CD9: variants seen among roughly 807,000 people sequenced by gnomAD.
CD9 encodes CD9 molecule, also known as CD9 antigen.
Under a neutral mutation model 31.4 loss-of-function variants are expected in CD9, and 10 were observed. The ratio of observed to expected loss-of-function variants is 0.32; its 90% CI spans 0.20 to 0.54. The LOEUF (loss-of-function observed/expected upper bound fraction) is 0.54. Ranked by LOEUF, CD9 falls within the 20% of genes least tolerant of loss-of-function variation. CD9 has a pLI of 0.94. For synonymous variants in CD9, 113 were observed against 114.1 expected (o/e 0.99, Z 0.06); for missense variants, 259 against 300.1 (o/e 0.86, Z 1.01).
chr12:6,208,070 C>G (rs1301158210), intron 1 of CD9, among the ~76,000 whole-genome samples: 2 of 151,960 alleles, frequency 1.3e-5, no homozygotes, highest in African/African-American at 4.8e-5. Context: ...ACTAAAAATG[C>G]AAAATTAGCC....
At position 6,232,435 on chromosome 12, in the gene CD9, G is replaced by T; in HGVS notation, c.176-197G>T. 1 of 625,048 alleles carries T rather than the reference G, an allele frequency of 1.6e-6. No homozygotes were observed. The highest frequency in any genetic ancestry group is 2.9e-6 in the Non-Finnish European group (1 of 349,488). 38.7% of individuals were successfully genotyped at this position (625,048 alleles called of 1,614,324 possible). A position where few individuals can be genotyped will look rare whatever the true frequency, so the allele number is the denominator to read the frequency against. On this transcript the variant is annotated intron_variant, in intron 2 of 7. Coordinates refer to ENST00000009180, the MANE Select transcript of CD9 (RefSeq NM_001769.4). This position sits in a 1 kb window ranked among gnomAD's most constrained non-coding sequence, Gnocchi z 4.8. ...TGATGAAGCAGAGTCATGCAAGAGAGGCTGGTGGGAAGGAGACCTGGGGCA... is the reference window on the plus strand; with the variant it reads ...TGATGAAGCAGAGTCATGCAAGAGATGCTGGTGGGAAGGAGACCTGGGGCA...
chr12:6,232,470 G>C lies in CD9; in HGVS notation c.176-162G>C. ...AAGGAGACCTGGGGCAGAGGTGGAA[G>C]AGGAGGCTGTATTTTAAGGAAAGGG... is the stretch of plus-strand genomic sequence containing the variant. On this transcript the variant is annotated intron_variant, in intron 2 of 7. Coordinates refer to ENST00000009180, the MANE Select transcript of CD9 (RefSeq NM_001769.4). This position sits in a 1 kb window ranked among gnomAD's most constrained non-coding sequence, Gnocchi z 4.8. 1.5e-6 allele frequency: 1 copy of C among 652,618 alleles called. No homozygotes were observed. Among genetic ancestry groups the C allele is most frequent in the South Asian group, 1.7e-5 (1 of 57,750 alleles). 40.4% of individuals were successfully genotyped at this position (652,618 alleles called of 1,614,324 possible).
chr12:6,228,685 G>A (rs1242688178), intron 2 of CD9, among the ~76,000 whole-genome samples: 2 of 152,190 alleles, frequency 1.3e-5, no homozygotes, highest in Non-Finnish European at 2.9e-5. Context: ...AAGGGCCAAG[G>A]AGGCGTCGCT....
intron 1 of CD9, among the ~76,000 whole-genome samples, chr12:6,220,561 AT>A (rs1432938907): frequency 6.6e-6 from 1 of 152,164 alleles, no homozygotes. Context: ...TTCTGTTTGG[AT>A]TTTTAGGTTA....
intron 1 of CD9, among the ~76,000 whole-genome samples, chr12:6,208,158 C>T (rs1565418996): frequency 6.7e-6 from 1 of 149,172 alleles, no homozygotes; most frequent in Admixed American, 6.8e-5. Flanking sequence ...TGGGAGGCGG[C>T]GGTTGCAGTG....
intron 1 of CD9, among the ~76,000 whole-genome samples, chr12:6,212,185 G>A (rs370520184): frequency 6.6e-6 from 1 of 152,162 alleles, no homozygotes; most frequent in Non-Finnish European, 1.5e-5. Flanking sequence ...GCTGTGCACC[G>A]TCAGAGGAAG....
rs539111776 is a variant in CD9, at chr12:6,209,904, C to T, written c.66+9339C>T. Among the ~76,000 whole-genome samples the T allele has an allele frequency of 5.3e-5, 8 of 152,186 alleles. No homozygotes were observed. In the East Asian group the frequency reaches 9.7e-4, roughly 18 times the overall value. On this transcript the variant is annotated intron_variant, in intron 1 of 7. Transcript: ENST00000009180. ...TTTGCCACGTTGACCAGGCTGGTCTCGAACTGCTGACCTCAGGTGATACGC... is the reference window on the plus strand; with the variant it reads ...TTTGCCACGTTGACCAGGCTGGTCTTGAACTGCTGACCTCAGGTGATACGC...
chr12:6,215,840 T>TAAAC (rs1249506921), intron 1 of CD9, among the ~76,000 whole-genome samples: 1 of 152,224 alleles, frequency 6.6e-6, no homozygotes, highest in Non-Finnish European at 1.5e-5. Flanking sequence ...GTTGGGACGC[T>TAAAC]TAAGGAGAGC....
chr12:6,235,316 AT>A lies in CD9; in HGVS notation c.437del (p.Ile146ThrfsTer5). 6.2e-7 allele frequency: 1 copy of A among 1,614,256 alleles called. No individual in the cohort carries two copies. The highest frequency in any genetic ancestry group is 8.5e-7 in the Non-Finnish European group (1 of 1,180,030). On this transcript the variant is annotated frameshift_variant, in exon 5 of 8. Coordinates refer to ENST00000009180, the MANE Select transcript of CD9 (RefSeq NM_001769.4). LOFTEE classifies it high-confidence loss of function. ...DEPQRETLKA[I>X]HYALNCCGLA... is the part of the protein sequence containing the mutation. ...GCCCCAGCGGGAAACGCTGAAAGCC[AT>A]CCACTATGCGGTATGTCGCCTTGGC...
chr12:6,228,803 C>T (rs1014925193), intron 2 of CD9, among the ~76,000 whole-genome samples: 1 of 152,166 alleles, frequency 6.6e-6, no homozygotes, highest in Non-Finnish European at 1.5e-5. Flanking sequence ...GCTACTTTTC[C>T]AAGGAATAGT....
At chr12:6,216,246 A>G (rs1015993930) in intron 1 of CD9, among the ~76,000 whole-genome samples, 7 of 152,220 alleles carry the variant, frequency 4.6e-5, no homozygotes, top group African/African-American at 1.2e-4. Flanking sequence ...GGGAGGGCCT[A>G]TCTCCACTTC....
rs1279864475 is a variant in CD9 at position 6,232,107 on chromosome 12, TCTG to T, written c.176-524_176-522del. 5.9e-6 allele frequency: 1 copy of T among 170,492 alleles called. No individual in the cohort carries two copies. The highest frequency in any genetic ancestry group is 2.4e-5 in the African/African-American group (1 of 41,540). The allele number at this position is 170,492 out of a possible 1,614,324, so 10.6% of individuals were successfully genotyped here. ...AGCAACAGGGCAAAGAGGCCCGCCT[TCTG>T]GGAACAGGCAGAGTTGGTTCCCCCC... is the stretch of plus-strand genomic sequence containing the variant. On this transcript the variant is annotated intron_variant, in intron 2 of 7. Coordinates refer to ENST00000009180, the MANE Select transcript of CD9 (RefSeq NM_001769.4). This position sits in a 1 kb window ranked among gnomAD's most constrained non-coding sequence, Gnocchi z 4.8.
At chr12:6,236,084 C>G in intron 6 of CD9, 108 bp from the exon 7 acceptor site, 1 of 1,534,254 alleles carries the variant, frequency 6.5e-7, no homozygotes, top group Non-Finnish European at 8.8e-7. Flanking sequence ...GTCCCCAGCC[C>G]ACCCTCTGCC....
chr12:6,230,850 A>T (rs755709918), intron 2 of CD9, among the ~76,000 whole-genome samples: 1 of 152,198 alleles, frequency 6.6e-6, no homozygotes, highest in Non-Finnish European at 1.5e-5. Flanking sequence ...TTCTTGCAAC[A>T]TGGGGTTTGC....
chr12:6,226,140 G>T (rs944244620), intron 2 of CD9, among the ~76,000 whole-genome samples: 3 of 152,174 alleles, frequency 2.0e-5, no homozygotes, highest in African/African-American at 7.2e-5. Context: ...GAGGCTTCCA[G>T]TTTAAACCTG....
intron 1 of CD9, among the ~76,000 whole-genome samples, chr12:6,206,566 C>T (rs1480666685): frequency 6.6e-6 from 1 of 152,208 alleles, no homozygotes; most frequent in East Asian, 1.9e-4. Flanking sequence ...CTACAGATTA[C>T]TTGCCTGTTT....
intron 1 of CD9, among the ~76,000 whole-genome samples, chr12:6,204,543 C>G (rs1946109903): frequency 6.6e-6 from 1 of 152,174 alleles, no homozygotes; most frequent in African/African-American, 2.4e-5. Context: ...TCTCCTCACC[C>G]TGGGTGGGGT....
At chr12:6,207,826 AG>A (rs1317042268) in intron 1 of CD9, among the ~76,000 whole-genome samples, 1 of 152,230 alleles carries the variant, frequency 6.6e-6, no homozygotes, top group Non-Finnish European at 1.5e-5. Context: ...ACTGACTTGG[AG>A]AAAAATCAGA....
chr12:6,232,517 G>A lies in CD9; in HGVS notation c.176-115G>A, dbSNP rs1946459292. ...AGGGAACTTCTTCCCTGAGATGAGG[G>A]GAATAAGGAGGTGGGGAGGCAGGAG... is the stretch of plus-strand genomic sequence containing the variant. On this transcript the variant is annotated intron_variant, in intron 2 of 7. Coordinates refer to ENST00000009180, the MANE Select transcript of CD9 (RefSeq NM_001769.4). This position sits in a 1 kb window ranked among gnomAD's most constrained non-coding sequence, Gnocchi z 4.8. The A allele has an allele frequency of 2.8e-6, 2 of 714,524 alleles. No individual in the cohort carries two copies. Among genetic ancestry groups the A allele is most frequent in the Non-Finnish European group, 5.0e-6 (2 of 398,522 alleles). 44.3% of individuals were successfully genotyped at this position (714,524 alleles called of 1,614,324 possible). A position where few individuals can be genotyped will look rare whatever the true frequency, so the allele number is the denominator to read the frequency against.
Sources: gnomAD v4.1 joint callset for allele counts (sites outside exome capture counted in the v4.1 genomes callset) on GRCh38, gnomAD v4.1.1 for gene constraint, Gnocchi (gnomAD v3.1) non-coding constraint, MANE v1.5 for transcripts, NCBI Gene and HGNC (gene_info 2026-07-23, HGNC 2026-07-21) for gene names.